Variants in PTK2 observed in about 807,000 individuals in gnomAD.
PTK2 encodes the protein focal adhesion kinase 1.
A neutral mutation model predicts 150.1 loss-of-function variants in PTK2; 45 were observed. That is an observed-to-expected ratio of 0.30 (90% CI 0.24 to 0.38). The LOEUF (loss-of-function observed/expected upper bound fraction) is 0.38, where lower values mean the gene tolerates loss of function less well. Among genes scored for constraint, PTK2 ranks in the 10% least tolerant of loss-of-function variants. The probability of loss-of-function intolerance (pLI) is 1.00; values close to 1 mark genes in which losing one functional copy is unlikely to be tolerated. For missense variants in PTK2, 919 were observed against 1,307.3 expected, an observed-to-expected ratio of 0.70 and a Z score of 4.58; for synonymous variants, 432 against 449.2, an observed-to-expected ratio of 0.96 and a Z score of 0.48.
intron 13 of PTK2, among the ~76,000 whole-genome samples, chr8:140,791,788 G>A (rs2100088615): frequency 6.6e-6 from 1 of 152,280 alleles, no homozygotes; most frequent in East Asian, 1.9e-4. Flanking sequence ...CAGAATATTG[G>A]CAAAGGCCTT....
chr8:140,851,858 CAAAA>C (rs34116543), intron 5 of PTK2, among the ~76,000 whole-genome samples: 19 of 137,784 alleles, frequency 1.4e-4, no homozygotes, highest in South Asian at 7.1e-4. Context: ...GACTTTATCT[CAAAA>C]AAAAAAAAAA....
At chr8:140,952,307 C>T (rs573470041) in intron 1 of PTK2, among the ~76,000 whole-genome samples, 7 of 152,078 alleles carry the variant, frequency 4.6e-5, no homozygotes, top group South Asian at 2.1e-4. Flanking sequence ...ACAATATGGA[C>T]GGGGGAAGGA....
chr8:140,921,197 G>T, intron 2 of PTK2: 2 of 1,012,136 alleles, frequency 2.0e-6, no homozygotes, highest in Non-Finnish European at 2.5e-6. Flanking sequence ...TTAGTAATGT[G>T]ACCCCATGGC....
At position 140,831,583 on chromosome 8, in the gene PTK2, G is replaced by A. The variant is rs1486585339; in HGVS notation, c.594-1057C>T. 2.6e-5 allele frequency among the ~76,000 whole-genome samples: 4 copies of A among 152,120 alleles called. 1 individual carries two copies. The highest frequency in any genetic ancestry group is 9.7e-5 in the African/African-American group (4 of 41,418). Reference sequence around the variant, plus strand: ...TAATCTAACTGCTAGTAGTTCCTAAGCCAATGAATTCCTCCTCTGGTAAAT... The same window carrying A: ...TAATCTAACTGCTAGTAGTTCCTAAACCAATGAATTCCTCCTCTGGTAAAT... On this transcript the variant is annotated intron_variant, in intron 7 of 31. Coordinates refer to ENST00000522684, the Ensembl canonical transcript of PTK2.
intron 14 of PTK2, among the ~76,000 whole-genome samples, chr8:140,783,945 C>T (rs994768737): frequency 1.1e-4 from 16 of 152,206 alleles, no homozygotes; most frequent in Admixed American, 6.5e-4. Context: ...GGTGGATCAC[C>T]TGAGGTCAAG....
intron 26 of PTK2, among the ~76,000 whole-genome samples, chr8:140,697,852 G>GTTTTTTTTTTTTTTTTTT (rs71308981): frequency 2.1e-5 from 1 of 47,968 alleles, no homozygotes; most frequent in African/African-American, 9.1e-5. Flanking sequence ...AGGGTTTACT[G>GTTTTTTTTTTTTTTTTTT]TTTTTTTTTT....
At chr8:140,904,697 G>A (rs1394872527) in intron 2 of PTK2, among the ~76,000 whole-genome samples, 2 of 152,076 alleles carry the variant, frequency 1.3e-5, no homozygotes, top group Non-Finnish European at 2.9e-5. Context: ...GTCCATTCAG[G>A]GATTTGACTT....
chr8:140,902,943 T>TGG (rs2100159277), intron 2 of PTK2, among the ~76,000 whole-genome samples: 1 of 122,702 alleles, frequency 8.1e-6, no homozygotes, highest in Admixed American at 8.4e-5. Flanking sequence ...TTTTTTTTTT[T>TGG]TTTTTTTTTT....
chr8:140,689,981 C>A (rs2100022136), intron 26 of PTK2, among the ~76,000 whole-genome samples: 1 of 152,180 alleles, frequency 6.6e-6, no homozygotes, highest in African/African-American at 2.4e-5. Flanking sequence ...GAGATGGAGT[C>A]TCCCTCTGTC....
rs1451990025 is a variant in PTK2, at chr8:140,674,291, T to C, written c.2709+7A>G. 1 of 1,597,722 alleles carries C rather than the reference T, an allele frequency of 6.3e-7. No individual in the cohort carries two copies. Among genetic ancestry groups the C allele is most frequent in the Admixed American group, 1.7e-5 (1 of 57,304 alleles). On this transcript the variant is annotated splice_region_variant and intron_variant, in intron 29 of 31. Transcript: ENST00000522684. Reference sequence around the variant, plus strand: ...GCAGAAGGTGCTGCACAGGCTCAGATGCCCACCTTGACACCCTCGTTGTAG... The same window carrying C: ...GCAGAAGGTGCTGCACAGGCTCAGACGCCCACCTTGACACCCTCGTTGTAG...
chr8:140,752,352 C>CA, intron 16 of PTK2, 36 bp from the exon 20 acceptor site: 1 of 1,574,116 alleles, frequency 6.4e-7, no homozygotes, highest in Non-Finnish European at 8.7e-7. Flanking sequence ...CACACACATG[C>CA]AAAAAGGTTT....
At chr8:140,798,109 A>AT (rs1246645123) in intron 12 of PTK2, among the ~76,000 whole-genome samples, 1 of 152,228 alleles carries the variant, frequency 6.6e-6, no homozygotes, top group East Asian at 1.9e-4. Flanking sequence ...TAAGTAGTTT[A>AT]TGATCTAGAG....
At position 140,900,094 on chromosome 8, in the gene PTK2, C is replaced by T. The variant is rs573224628; in HGVS notation, c.-32-9325G>A. On this transcript the variant is annotated intron_variant, in intron 2 of 31. Transcript: ENST00000522684. ...TTTTATTCAACATAGTACTGAAAGT[C>T]CTGGCCAGAGCAATTAGACAAGAGA... Among the ~76,000 whole-genome samples the T allele has an allele frequency of 2.2e-4, 33 of 152,206 alleles. No individual in the cohort carries two copies. In the South Asian group the frequency reaches 6.6e-3, roughly 31 times the overall value.
intron 16 of PTK2, among the ~76,000 whole-genome samples, chr8:140,754,860 A>C (rs1244861075): frequency 6.6e-6 from 1 of 152,224 alleles, no homozygotes; most frequent in African/African-American, 2.4e-5. Flanking sequence ...AGAATGGGTC[A>C]GTTCAAAGTA....
At chr8:140,985,141 G>A (rs1588712447) in intron 1 of PTK2, among the ~76,000 whole-genome samples, 1 of 151,734 alleles carries the variant, frequency 6.6e-6, no homozygotes, top group Non-Finnish European at 1.5e-5. Flanking sequence ...TTATTTTTGT[G>A]AGATGCGGGT....
At chr8:140,678,727 C>T (rs1287595966) in intron 27 of PTK2, among the ~76,000 whole-genome samples, 1 of 152,006 alleles carries the variant, frequency 6.6e-6, no homozygotes, top group Non-Finnish European at 1.5e-5. Context: ...TTGTAGCAAC[C>T]CGGGAGAAGA....
intron 18 of PTK2, among the ~76,000 whole-genome samples, chr8:140,745,779 C>T (rs1335338079): frequency 6.6e-6 from 1 of 152,124 alleles, no homozygotes; most frequent in Non-Finnish European, 1.5e-5. Context: ...GCAGGCAGAT[C>T]ACTGGAGGTC....
intron 10 of PTK2, among the ~76,000 whole-genome samples, chr8:140,803,885 T>C (rs982548659): frequency 6.6e-6 from 1 of 152,002 alleles, no homozygotes; most frequent in Non-Finnish European, 1.5e-5. Flanking sequence ...GACCCATACA[T>C]GAGTTGGATG....
At chr8:140,860,161 G>T (rs2100135214) in intron 5 of PTK2, among the ~76,000 whole-genome samples, 1 of 152,066 alleles carries the variant, frequency 6.6e-6, no homozygotes, top group Non-Finnish European at 1.5e-5. Flanking sequence ...TGTTAATGAG[G>T]GATACATAAA....
Sources: allele counts gnomAD v4.1 joint callset (sites outside exome capture counted in the v4.1 genomes callset), GRCh38; gene constraint gnomAD v4.1.1; transcripts MANE v1.5; gene names NCBI Gene and HGNC (gene_info 2026-07-23, HGNC 2026-07-21).